JAZF1: variants seen among roughly 807,000 people sequenced by gnomAD.
JAZF1 encodes the protein JAZF zinc finger 1.
In JAZF1, 8 loss-of-function variants were observed where a neutral mutation model predicts 26.4. The observed-to-expected ratio is 0.30, with a 90% confidence interval of 0.18 to 0.55. The LOEUF is 0.55. Among genes scored for constraint, JAZF1 ranks in the 20% least tolerant of loss-of-function variants. JAZF1 has a pLI of 0.94. For synonymous variants in JAZF1, 126 were observed against 122.3 expected (o/e 1.03, Z -0.20); for missense variants, 199 against 322.0 (o/e 0.62, Z 2.92).
At chr7:27,992,979 C>T (rs1233228029) in intron 1 of JAZF1, among the ~76,000 whole-genome samples, 1 of 152,116 alleles carries the variant, frequency 6.6e-6, no homozygotes, top group Non-Finnish European at 1.5e-5. Flanking sequence ...CTCCAAAGTG[C>T]ATTAACAGGT....
At chr7:27,866,678 C>T (rs1021833880) in intron 3 of JAZF1, among the ~76,000 whole-genome samples, 7 of 152,298 alleles carry the variant, frequency 4.6e-5, no homozygotes, top group South Asian at 4.1e-4. Flanking sequence ...TAATCTAATT[C>T]GAATTATCTG....
At chr7:28,140,497 T>G (rs1036679147) in intron 1 of JAZF1, among the ~76,000 whole-genome samples, 1 of 152,102 alleles carries the variant, frequency 6.6e-6, no homozygotes, top group African/African-American at 2.4e-5. Flanking sequence ...TTTACTGCAG[T>G]CTAGGAAACA....
intron 1 of JAZF1, among the ~76,000 whole-genome samples, chr7:28,138,588 A>G (rs537737308): frequency 1.1e-4 from 17 of 152,314 alleles, no homozygotes; most frequent in African/African-American, 4.1e-4. Context: ...GACACTTTTC[A>G]AAGAGAAAAA....
chr7:28,057,449 T>C (rs919127525), intron 1 of JAZF1, among the ~76,000 whole-genome samples: 1 of 152,242 alleles, frequency 6.6e-6, no homozygotes, highest in Non-Finnish European at 1.5e-5. Flanking sequence ...GTAAGTACTT[T>C]ATATGTATTA....
At chr7:27,874,715 C>CTCA (rs3073731) in intron 3 of JAZF1, among the ~76,000 whole-genome samples, 2 of 152,176 alleles carry the variant, frequency 1.3e-5, no homozygotes, top group African/African-American at 2.4e-5. Context: ...AACCTTTAAT[C>CTCA]GAGATCCTTA....
chr7:28,128,127 A>T lies in JAZF1; in HGVS notation c.115+52336T>A, dbSNP rs140260480. On this transcript the variant is annotated intron_variant, in intron 1 of 4. Transcript: ENST00000283928. ...TTGTGAGTTAAGAATCAGGTTGTAG[A>T]TGTGATCATAGTCCTGGTTACTGAG... Among the ~76,000 whole-genome samples the T allele has an allele frequency of 7.9e-4, 120 of 152,306 alleles. 2 individuals are homozygous for T. The highest frequency in any genetic ancestry group is 2.7e-3 in the African/African-American group (111 of 41,574).
At chr7:27,903,951 C>A (rs980515196) in intron 2 of JAZF1, among the ~76,000 whole-genome samples, 1 of 152,188 alleles carries the variant, frequency 6.6e-6, no homozygotes, top group African/African-American at 2.4e-5. Context: ...TTGAGAAAAG[C>A]TGTGGGGAGT....
intron 2 of JAZF1, among the ~76,000 whole-genome samples, chr7:27,940,322 C>G (rs545074101): frequency 1.2e-3 from 189 of 152,256 alleles, no homozygotes; most frequent in African/African-American, 4.3e-3. Context: ...CCCGCCACCC[C>G]CCGTGATCAG....
At position 28,035,122 on chromosome 7, in the gene JAZF1, G is replaced by A. The variant is rs551681268; in HGVS notation, c.116-43141C>T. Among the ~76,000 whole-genome samples, 23 of 151,902 alleles carry A rather than the reference G, an allele frequency of 1.5e-4. No homozygotes were observed. In the South Asian group the frequency reaches 4.6e-3, roughly 30 times the overall value. ...ACCTGAGGTCAGGAGTTCGAGACCA[G>A]CCTGGCCGACATGGTGAAACCTCAT... On this transcript the variant is annotated intron_variant, in intron 1 of 4. Transcript: ENST00000283928.
intron 1 of JAZF1, among the ~76,000 whole-genome samples, chr7:28,000,622 CTT>C (rs1190147547): frequency 2.8e-3 from 175 of 62,048 alleles, no homozygotes; most frequent in African/African-American, 6.9e-3. Context: ...TTCTTTCTTT[CTT>C]TTTTTTTTTT....
In JAZF1 at chr7:28,094,550, A is replaced by T. The variant is rs533528249; in HGVS notation, c.115+85913T>A. ...TTTTGCGACCCTATACACATTAATA[A>T]CTTCTGTCTCCAAACTGTCATCTGC... On this transcript the variant is annotated intron_variant, in intron 1 of 4. Transcript: ENST00000283928. Among the ~76,000 whole-genome samples the T allele has an allele frequency of 4.8e-4, 73 of 152,230 alleles. 1 individual carries two copies. In the South Asian group the frequency reaches 0.015, roughly 30 times the overall value.
At chr7:28,174,191 T>C (rs1403137778) in intron 1 of JAZF1, among the ~76,000 whole-genome samples, 1 of 152,160 alleles carries the variant, frequency 6.6e-6, no homozygotes, top group Non-Finnish European at 1.5e-5. Context: ...GTCTGTACTG[T>C]CAAGATCTGA....
intron 1 of JAZF1, among the ~76,000 whole-genome samples, chr7:28,031,758 GA>G (rs1783197315): frequency 6.6e-6 from 1 of 152,112 alleles, no homozygotes; most frequent in South Asian, 2.1e-4. Flanking sequence ...AAAGCATCAG[GA>G]AAAATAGCTA....
chr7:27,974,527 G>T (rs1785434634), intron 2 of JAZF1, among the ~76,000 whole-genome samples: 1 of 152,176 alleles, frequency 6.6e-6, no homozygotes, highest in Admixed American at 6.5e-5. Context: ...AATGTTACAG[G>T]TCAGTCTTGA....
chr7:27,903,843 A>G (rs1784205952), intron 2 of JAZF1, among the ~76,000 whole-genome samples: 1 of 152,246 alleles, frequency 6.6e-6, no homozygotes, highest in Admixed American at 6.5e-5. Flanking sequence ...CCTCTGTAGA[A>G]CATCACATCC....
At chr7:28,115,004 T>C (rs1242008382) in intron 1 of JAZF1, among the ~76,000 whole-genome samples, 5 of 151,916 alleles carry the variant, frequency 3.3e-5, no homozygotes, top group Non-Finnish European at 5.9e-5. Flanking sequence ...GGGGAATGGG[T>C]TAAAGGAAGG....
intron 1 of JAZF1, among the ~76,000 whole-genome samples, chr7:28,126,536 T>A (rs1782695014): frequency 6.6e-6 from 1 of 151,902 alleles, no homozygotes; most frequent in Non-Finnish European, 1.5e-5. Context: ...GAAGCGAGTC[T>A]CACTCAGAGG....
Position 27,848,079 on chromosome 7 carries a change from T to C in JAZF1, c.386-7212A>G, listed in dbSNP as rs1214519707. 2.0e-5 allele frequency among the ~76,000 whole-genome samples: 3 copies of C among 152,216 alleles called. No individual in the cohort carries two copies. The East Asian group carries it at 5.8e-4, about 29-fold the overall frequency. On this transcript the variant is annotated intron_variant, in intron 3 of 4. Coordinates refer to ENST00000283928, the MANE Select transcript of JAZF1 (RefSeq NM_175061.4). ...GGTTCTACATCAGTTTAAGGATTGT[T>C]TTTACTGTTTCCGTGAAGGATGCCA... is the stretch of plus-strand genomic sequence containing the variant.
chr7:28,180,209 CCT>C (rs1267367479), intron 1 of JAZF1: 2 of 141,960 alleles, frequency 1.4e-5, no homozygotes, highest in Non-Finnish European at 3.1e-5. Flanking sequence ...CGTGCACGCC[CCT>C]GAGTCCCCCA....
Sources: gnomAD v4.1 joint callset for allele counts (sites outside exome capture counted in the v4.1 genomes callset) on GRCh38, gnomAD v4.1.1 for gene constraint, MANE v1.5 for transcripts, NCBI Gene and HGNC (gene_info 2026-07-23, HGNC 2026-07-21) for gene names.